MCM7: variants seen among roughly 807,000 people sequenced by gnomAD.
MCM7 encodes DNA replication licensing factor MCM7.
MCM7 carries 95 observed loss-of-function variants against 83.5 expected under a neutral mutation model. That is an observed-to-expected ratio of 1.14 (90% CI 0.96 to 1.35). MCM7 has a LOEUF of 1.35. Ranked by LOEUF, MCM7 falls within the 40% of genes most tolerant of loss-of-function variation. The pLI is 0.00. For missense variants in MCM7, 1,087 were observed against 957.4 expected (o/e 1.14, Z -1.79); for synonymous variants, 461 against 352.7 (o/e 1.31, Z -3.44).
At chr7:100,093,215 T>TA in intron 14 of MCM7, 77 bp downstream of exon 14, 1 of 1,598,628 alleles carries the variant, frequency 6.3e-7, no homozygotes. Context: ...TGGCCAGTGT[T>TA]AGAATTGAGG....
At chr7:100,100,126 A>C (rs757815590) in intron 1 of MCM7, 33 bp from the exon 2 acceptor site, 59 of 1,611,404 alleles carry the variant, frequency 3.7e-5, no homozygotes, top group Non-Finnish European at 5.0e-5. Context: ...GTAAGACACA[A>C]ACTTTAAGAC....
At position 100,094,213 on chromosome 7, in the gene MCM7, G is replaced by A. The variant is rs762797766; in HGVS notation, c.1808C>T (p.Ala603Val). The change falls in exon 13 of 15, where the codon GCC (alanine) becomes GTC (valine). Residue 603 changes from alanine to valine, a missense_variant. Ala to Val is a moderately conservative substitution (Grantham distance 64). Coordinates refer to ENST00000303887, the MANE Select transcript of MCM7 (RefSeq NM_005916.5). The part of the protein sequence containing the change: ...WASKDATYTS[A>V]RTLLAILRLS... ...GCGCAGGATAGCCAGCAGGGTCCGG[G>A]CAGAAGTATAGGTGGCATCCTTACT... The A allele has an allele frequency of 6.2e-7, 1 of 1,614,210 alleles. No individual in the cohort carries two copies. The highest frequency in any genetic ancestry group is 8.5e-7 in the Non-Finnish European group (1 of 1,180,032).
intron 13 of MCM7, 152 bp downstream of exon 13, chr7:100,094,021 C>A: frequency 1.0e-6 from 1 of 976,632 alleles, no homozygotes; most frequent in South Asian, 1.3e-5. Context: ...ACCCACAGTG[C>A]GGTAGCACGG....
At chr7:100,097,530 C>G (rs1584491888) in intron 9 of MCM7, 84 bp downstream of exon 9, 1 of 1,601,360 alleles carries the variant, frequency 6.2e-7, no homozygotes, top group East Asian at 2.2e-5. Flanking sequence ...TCCACTCATA[C>G]TGTGACCTAC....
rs755564244 is a variant in MCM7 at position 100,093,071 on chromosome 7, C to T, written c.2021G>A (p.Ser674Asn). The change falls in exon 15 of 15, where the codon AGT becomes AAT. Residue 674 changes from serine to asparagine, a missense_variant. Transcript: ENST00000303887. The part of the protein sequence containing the change: ...TVRELVSGGR[S>N]VRFSEAEQRC... ...CTGCTCTGCCTCAGAGAACCGGACA[C>T]TTCGGCCCCCTGAGACCAGTTCACG... 6.2e-7 allele frequency: 1 copy of T among 1,614,248 alleles called. No homozygotes were observed. Among genetic ancestry groups the T allele is most frequent in the Non-Finnish European group, 8.5e-7 (1 of 1,180,046 alleles).
chr7:100,101,307 C>A lies in MCM7; in HGVS notation c.-13G>T. The A allele has an allele frequency of 6.2e-7, 1 of 1,613,180 alleles. No individual in the cohort carries two copies. Among genetic ancestry groups the A allele is most frequent in the Non-Finnish European group, 8.5e-7 (1 of 1,179,882 alleles). The stretch of plus-strand genomic sequence containing the variant: ...CCTTCAGTGCCATCGCTGCCGAGGG[C>A]CGTGCGGCCGCGCTTGGCGGGCTCA... On this transcript the variant is annotated 5_prime_UTR_variant, in exon 1 of 15. Transcript: ENST00000303887.
rs368405715 is a variant in MCM7 at position 100,100,101 on chromosome 7, A to G, written c.32-8T>C. 2.4e-5 allele frequency: 39 copies of G among 1,613,460 alleles called. No individual in the cohort carries two copies. Among genetic ancestry groups the G allele is most frequent in the Non-Finnish European group, 3.0e-5 (35 of 1,179,758 alleles). On this transcript the variant is annotated splice_region_variant and splice_polypyrimidine_tract_variant and intron_variant, in intron 1 of 14. Transcript: ENST00000303887. ...AGAACTTCTTAACCTTTTCTGTAAC[A>G]TGAAATGTAAAACCGTAAGACACAA...
intron 1 of MCM7, 50 bp from the exon 2 acceptor site, chr7:100,100,143 T>G (rs1562900218): frequency 6.2e-7 from 1 of 1,601,378 alleles, no homozygotes; most frequent in Non-Finnish European, 8.5e-7. Flanking sequence ...AGACAAATCT[T>G]AGATACCCAT....
chr7:100,100,378 C>A lies in MCM7; in HGVS notation c.32-285G>T. On this transcript the variant is annotated intron_variant, in intron 1 of 14. Coordinates refer to ENST00000303887, the MANE Select transcript of MCM7 (RefSeq NM_005916.5). Reference sequence around the variant, plus strand: ...AGCGCCCTTCCCCGTTGGCCCCTCACACTCCGGTCTCAAGGTTCTCAGCTT... The same window carrying A: ...AGCGCCCTTCCCCGTTGGCCCCTCAAACTCCGGTCTCAAGGTTCTCAGCTT... 1.8e-6 allele frequency: 2 copies of A among 1,098,974 alleles called. 1 individual carries two copies. The highest frequency in any genetic ancestry group is 4.9e-5 in the South Asian group (2 of 40,440). The allele number at this position is 1,098,974 out of a possible 1,614,324, so 68.1% of individuals were successfully genotyped here.
At chr7:100,094,099 G>A in intron 13 of MCM7, 74 bp downstream of exon 13, 2 of 1,580,596 alleles carry the variant, frequency 1.3e-6, no homozygotes, top group Admixed American at 1.7e-5. Flanking sequence ...TGGGGAGGCG[G>A]CAATGAGAGC....
At chr7:100,093,707 A>G (rs2116551570) in intron 13 of MCM7, 1 of 671,592 alleles carries the variant, frequency 1.5e-6, no homozygotes, top group South Asian at 1.4e-5. Context: ...TGGGCTCCCC[A>G]GCATGACAGA....
chr7:100,093,196 G>T (rs979094325), intron 14 of MCM7, 63 bp from the exon 15 acceptor site: 4 of 1,595,944 alleles, frequency 2.5e-6, no homozygotes, highest in Non-Finnish European at 8.6e-7. Context: ...CATCAACAGA[G>T]AACAATGGTG....
chr7:100,101,351 A>G lies in MCM7; in HGVS notation c.-57T>C. 1.9e-6 allele frequency: 3 copies of G among 1,609,524 alleles called. No homozygotes were observed. The highest frequency in any genetic ancestry group is 2.5e-6 in the Non-Finnish European group (3 of 1,178,388). The stretch of plus-strand genomic sequence containing the variant: ...GGGCTCAGAGGTCTTGCTCCTGGGG[A>G]AGCTGAGAATCTCCGCGCGGTGGAC... On this transcript the variant is annotated 5_prime_UTR_variant, in exon 1 of 15. Coordinates refer to ENST00000303887, the MANE Select transcript of MCM7 (RefSeq NM_005916.5).
At chr7:100,093,165 G>C in intron 14 of MCM7, 32 bp from the exon 15 acceptor site, 23 of 1,609,698 alleles carry the variant, frequency 1.4e-5, no homozygotes, top group Non-Finnish European at 2.0e-5. Context: ...GTAAGGTCAG[G>C]ATACAAACAG....
chr7:100,098,360 CCACT>C (rs1795757455), intron 6 of MCM7, 70 bp from the exon 7 acceptor site: 2 of 1,569,936 alleles, frequency 1.3e-6, no homozygotes, highest in Non-Finnish European at 1.7e-6. Context: ...CCTAGGCATC[CCACT>C]CAAAGGCTCC....
intron 14 of MCM7, 30 bp from the exon 15 acceptor site, chr7:100,093,163 A>T (rs765233027): frequency 6.2e-7 from 1 of 1,610,708 alleles, no homozygotes; most frequent in Non-Finnish European, 8.5e-7. Flanking sequence ...GTGTAAGGTC[A>T]GGATACAAAC....
chr7:100,097,425 A>G, intron 9 of MCM7, 41 bp from the exon 10 acceptor site: 2 of 1,606,524 alleles, frequency 1.2e-6, no homozygotes, highest in Non-Finnish European at 8.5e-7. Context: ...CTCTTCTCCC[A>G]GTGCTTGGCC....
intron 5 of MCM7, 40 bp from the exon 6 acceptor site, chr7:100,098,755 G>GA (rs766794089): frequency 6.2e-7 from 1 of 1,611,054 alleles, no homozygotes; most frequent in Non-Finnish European, 8.5e-7. Flanking sequence ...AACTCAGAAG[G>GA]AAAAGAGCCC....
chr7:100,095,673 G>C (rs1795590586), intron 11 of MCM7, 101 bp downstream of exon 11: 1 of 1,452,208 alleles, frequency 6.9e-7, no homozygotes, highest in Non-Finnish European at 9.2e-7. Context: ...GGGAGGCTCT[G>C]GGGTTTCCAG....
Sources: gnomAD v4.1 joint callset for allele counts on GRCh38, gnomAD v4.1.1 for gene constraint, MANE v1.5 for transcripts, NCBI Gene and HGNC (gene_info 2026-07-23, HGNC 2026-07-21) for gene names.